The following RAB13 variants were observed in gnomAD, a reference collection of about 807,000 sequenced individuals.
RAB13 encodes RAB13, member RAS oncogene family.
RAB13 carries 15 observed loss-of-function variants against 29.3 expected under a neutral mutation model. The observed-to-expected ratio is 0.51, with a 90% CI of 0.34 to 0.79. The LOEUF (loss-of-function observed/expected upper bound fraction) is 0.79. RAB13 is among the 30% of genes least tolerant of loss of function. RAB13 has a pLI of 0.01. For synonymous variants in RAB13, 82 were observed against 93.8 expected (o/e 0.87, Z 0.73); for missense variants, 186 against 255.5 (o/e 0.73, Z 1.85).
chr1:153,987,330 C>G (rs1571131254), upstream of RAB13, among the ~76,000 whole-genome samples: 1 of 151,266 alleles, frequency 6.6e-6, no homozygotes, highest in African/African-American at 2.4e-5. Context: ...CATGGTGAAA[C>G]CCCATCTCTA....
upstream of RAB13, among the ~76,000 whole-genome samples, chr1:153,988,244 G>C (rs1046542539): frequency 6.6e-6 from 1 of 150,384 alleles, no homozygotes; most frequent in African/African-American, 2.4e-5. Flanking sequence ...CGCCCGCCTC[G>C]GCCTCCCAAA....
At chr1:153,984,657 G>A in intron 2 of RAB13, 64 bp downstream of exon 2, 1 of 1,429,040 alleles carries the variant, frequency 7.0e-7, no homozygotes, top group Non-Finnish European at 9.8e-7. Flanking sequence ...AAACAAAATA[G>A]AAGGAAAAAC....
chr1:153,987,662 T>C (rs1313059360), upstream of RAB13, among the ~76,000 whole-genome samples: 2 of 147,986 alleles, frequency 1.4e-5, no homozygotes, highest in Non-Finnish European at 3.0e-5. Flanking sequence ...ATCTAAGACC[T>C]GTTGCGGTGG....
intron 3 of RAB13, 84 bp from the exon 4 acceptor site, chr1:153,983,380 TA>T: frequency 6.7e-7 from 1 of 1,482,308 alleles, no homozygotes; most frequent in Non-Finnish European, 9.4e-7. Flanking sequence ...TCCATGGGTC[TA>T]AACACTAGGC....
At chr1:153,982,302 AACACACACACACACACACAC>A in intron 7 of RAB13, 69 bp downstream of exon 7, 1 of 1,296,928 alleles carries the variant, frequency 7.7e-7, no homozygotes, top group South Asian at 1.2e-5. Context: ...TATCAACACC[AACACACACACACACACACAC>A]ACACACACAC....
At chr1:153,986,369 G>A, upstream of RAB13, 1 of 751,646 alleles carries the variant, frequency 1.3e-6, no homozygotes, top group Non-Finnish European at 2.2e-6. Context: ...CCCAGGCTCC[G>A]GGAAAGAGGA....
chr1:153,987,617 GA>G (rs1649215767), upstream of RAB13, among the ~76,000 whole-genome samples: 2 of 151,062 alleles, frequency 1.3e-5, no homozygotes, highest in African/African-American at 4.9e-5. Flanking sequence ...GCTGGGGGTG[GA>G]AAAAAATACG....
chr1:153,989,961 C>G (rs1175548001), upstream of RAB13, among the ~76,000 whole-genome samples: 6 of 152,248 alleles, frequency 3.9e-5, no homozygotes, highest in East Asian at 1.2e-3. Flanking sequence ...CCTTCCGTGT[C>G]CATGCTTGTC....
intron 1 of RAB13, 21 bp from the exon 2 acceptor site, chr1:153,984,802 C>G (rs754360029): frequency 6.2e-7 from 1 of 1,608,174 alleles, no homozygotes; most frequent in Non-Finnish European, 8.5e-7. Context: ...AAGGTATGCA[C>G]TGAAGTTGAG....
chr1:153,987,412 A>G (rs1351013677), upstream of RAB13, among the ~76,000 whole-genome samples: 1 of 150,972 alleles, frequency 6.6e-6, no homozygotes, highest in African/African-American at 2.4e-5. Context: ...GCCACTTGGG[A>G]GGCTGAGGCA....
intron 7 of RAB13, 78 bp from the exon 8 acceptor site, chr1:153,982,254 C>T: frequency 6.6e-7 from 1 of 1,517,152 alleles, no homozygotes; most frequent in Non-Finnish European, 9.2e-7. Context: ...TAAAGTAAAT[C>T]CACCCTCATG....
chr1:153,982,528 A>C lies in RAB13; in HGVS notation c.480+7T>G. ...CTCTTGGTCGGGGATGGGGGTGTGG[A>C]TCTCACCTCATCCACATTCATACTG... On this transcript the variant is annotated splice_region_variant and intron_variant, in intron 6 of 7. Transcript: ENST00000368575. 1 of 1,612,252 alleles carries C rather than the reference A, an allele frequency of 6.2e-7. No homozygotes were observed. Among genetic ancestry groups the C allele is most frequent in the African/African-American group, 1.3e-5 (1 of 74,988 alleles).
At chr1:153,983,488 C>T in intron 3 of RAB13, 33 bp downstream of exon 3, 2 of 1,567,674 alleles carry the variant, frequency 1.3e-6, no homozygotes, top group Non-Finnish European at 1.8e-6. Context: ...GTAGCCTCAT[C>T]CTTCATCCTT....
Position 153,982,112 on chromosome 1 carries a change from C to T in RAB13, c.599G>A (p.Cys200Tyr). ...AAGAAAGGGTCCTCAGCCCAGGGAG[C>T]ACTTGTTGGTGTTCTTCTTGTCACA... ...KTCDKKNTNK[C>Y]SLG Residue 200 changes from cysteine to tyrosine, a missense_variant, in exon 8 of 8, where the codon TGC becomes TAC. Cys to Tyr is a radical substitution (Grantham distance 194). Transcript: ENST00000368575. 1 of 1,613,700 alleles carries T rather than the reference C, an allele frequency of 6.2e-7. No homozygotes were observed. The highest frequency in any genetic ancestry group is 8.5e-7 in the Non-Finnish European group (1 of 1,179,970).
intron 6 of RAB13, 30 bp from the exon 7 acceptor site, chr1:153,982,474 G>T: frequency 6.2e-7 from 1 of 1,610,600 alleles, no homozygotes; most frequent in Non-Finnish European, 8.5e-7. Flanking sequence ...CAGTTTGGAG[G>T]GAGGAGAATC....
At chr1:153,989,674 C>A (rs1649294255), upstream of RAB13, among the ~76,000 whole-genome samples, 2 of 152,014 alleles carry the variant, frequency 1.3e-5, no homozygotes, top group African/African-American at 4.8e-5. Flanking sequence ...AGGTGGATCA[C>A]GTGAGGTCGG....
upstream of RAB13, among the ~76,000 whole-genome samples, chr1:153,988,115 C>A (rs1649239220): frequency 6.7e-6 from 1 of 150,350 alleles, no homozygotes. Context: ...CTCTGGAGTA[C>A]CTGTAATCCT....
chr1:153,981,970 TCTC>T lies in RAB13; in HGVS notation c.*126_*128del. ...TTCTGCTTTTCCCTTTTCTCCTTTTTCTCCTCATTCTCTTTACCATCTACCTAT... is the reference window on the plus strand; with the variant it reads ...TTCTGCTTTTCCCTTTTCTCCTTTTTCTCATTCTCTTTACCATCTACCTAT... On this transcript the variant is annotated 3_prime_UTR_variant, in exon 8 of 8. Transcript: ENST00000368575. 1 of 753,648 alleles carries T rather than the reference TCTC, an allele frequency of 1.3e-6. No homozygotes were observed. The highest frequency in any genetic ancestry group is 2.5e-5 in the East Asian group (1 of 39,268). The allele number at this position is 753,648 out of a possible 1,614,324, so 46.7% of individuals were successfully genotyped here.
rs1251652524 is a variant in RAB13, at chr1:153,982,327, A to G, written c.534+64T>C. On this transcript the variant is annotated intron_variant, in intron 7 of 7. Transcript: ENST00000368575. ...AACACACACACACACACACACACAC[A>G]CACACACATACATACACACACACAC... 3.8e-5 allele frequency: 57 copies of G among 1,506,490 alleles called. 2 individuals are homozygous for G. The highest frequency in any genetic ancestry group is 1.4e-4 in the Admixed American group (8 of 59,144). The allele number at this position is 1,506,490 out of a possible 1,614,324, so 93.3% of individuals were successfully genotyped here. A position where few individuals can be genotyped will look rare whatever the true frequency, so the allele number is the denominator to read the frequency against.
Sources: allele counts gnomAD v4.1 joint callset (sites outside exome capture counted in the v4.1 genomes callset), GRCh38; gene constraint gnomAD v4.1.1; transcripts MANE v1.5; gene names NCBI Gene and HGNC (gene_info 2026-07-23, HGNC 2026-07-21).